The following DLGAP1 variants were observed in gnomAD, a reference collection of about 807,000 sequenced individuals.
DLGAP1 encodes the protein disks large-associated protein 1.
In DLGAP1, 11 loss-of-function variants were observed where a neutral mutation model predicts 90.8. The ratio of observed to expected loss-of-function variants is 0.12; its 90% CI spans 0.08 to 0.20. The LOEUF is 0.20. Among genes scored for constraint, DLGAP1 ranks in the 10% least tolerant of loss-of-function variants. The pLI is 1.00. For missense variants in DLGAP1, 1,050 were observed against 1,333.8 expected (o/e 0.79, Z 3.31); for synonymous variants, 558 against 540.7 (o/e 1.03, Z -0.44).
intron 7 of DLGAP1, among the ~76,000 whole-genome samples, chr18:3,600,716 A>ACATC: frequency 1.4e-5 from 1 of 72,772 alleles, no homozygotes; most frequent in Non-Finnish European, 2.5e-5. Flanking sequence ...AGCTATATAG[A>ACATC]TATAGAGATA....
At chr18:3,531,916 C>T (rs576085177) in intron 10 of DLGAP1, among the ~76,000 whole-genome samples, 12 of 152,198 alleles carry the variant, frequency 7.9e-5, no homozygotes, top group African/African-American at 2.9e-4. Flanking sequence ...AGTGCAGTGG[C>T]ACAGTCTCAG....
At chr18:4,098,619 T>C (rs2075723560) in intron 2 of DLGAP1, among the ~76,000 whole-genome samples, 1 of 152,120 alleles carries the variant, frequency 6.6e-6, no homozygotes, top group South Asian at 2.1e-4. Context: ...TATTGCAACA[T>C]TTTAAGCTAT....
intron 3 of DLGAP1, among the ~76,000 whole-genome samples, chr18:3,889,942 G>T (rs1030503612): frequency 6.6e-6 from 1 of 152,188 alleles, no homozygotes; most frequent in African/African-American, 2.4e-5. Flanking sequence ...GAACCCCAGC[G>T]AAAGAAACAG....
At chr18:3,946,095 T>A (rs562602786) in intron 3 of DLGAP1, among the ~76,000 whole-genome samples, 181 of 151,970 alleles carry the variant, frequency 1.2e-3, no homozygotes, top group African/African-American at 4.3e-3. Flanking sequence ...TGATTAGAGA[T>A]TTTATGACAT....
At chr18:4,245,391 A>G (rs1182336612) in intron 1 of DLGAP1, among the ~76,000 whole-genome samples, 1 of 152,202 alleles carries the variant, frequency 6.6e-6, no homozygotes, top group Non-Finnish European at 1.5e-5. Flanking sequence ...TTGGGAGCTT[A>G]TGTTACAAAG....
At chr18:3,636,724 ATCT>A in intron 7 of DLGAP1, among the ~76,000 whole-genome samples, 1 of 110,204 alleles carries the variant, frequency 9.1e-6, no homozygotes, top group East Asian at 3.7e-4. Context: ...CCACTTTTAC[ATCT>A]TTTTTTTTTT....
chr18:4,170,354 G>A (rs545639422), intron 1 of DLGAP1, among the ~76,000 whole-genome samples: 6 of 152,142 alleles, frequency 3.9e-5, no homozygotes, highest in Admixed American at 2.6e-4. Context: ...GTGTTAGGTC[G>A]GACATGTTAA....
intron 7 of DLGAP1, among the ~76,000 whole-genome samples, chr18:3,677,449 T>G (rs1454954612): frequency 1.3e-5 from 2 of 152,198 alleles, no homozygotes; most frequent in Non-Finnish European, 2.9e-5. Context: ...ACCAGTTATA[T>G]CCATTCTAAA....
intron 3 of DLGAP1, among the ~76,000 whole-genome samples, chr18:3,956,434 C>T (rs919568313): frequency 1.1e-4 from 16 of 151,804 alleles, no homozygotes; most frequent in African/African-American, 2.7e-4. Context: ...CTGCAAGCTC[C>T]GCCTCCCGGG....
intron 1 of DLGAP1, among the ~76,000 whole-genome samples, chr18:4,259,911 T>C (rs1391221801): frequency 6.6e-6 from 1 of 152,218 alleles, no homozygotes; most frequent in Non-Finnish European, 1.5e-5. Flanking sequence ...TTTATTATTC[T>C]ATTTTATGCA....
At chr18:4,250,863 A>C (rs753934470) in intron 1 of DLGAP1, among the ~76,000 whole-genome samples, 2 of 152,182 alleles carry the variant, frequency 1.3e-5, no homozygotes, top group South Asian at 4.1e-4. Flanking sequence ...ATAAAACCCT[A>C]AAGTATGAAT....
At chr18:3,619,913 C>T (rs1241039705) in intron 7 of DLGAP1, among the ~76,000 whole-genome samples, 9 of 151,780 alleles carry the variant, frequency 5.9e-5, no homozygotes, top group South Asian at 2.1e-4. Flanking sequence ...ACCTCCTAGG[C>T]TCAAGGGATC....
chr18:3,619,980 C>G (rs894261153), intron 7 of DLGAP1, among the ~76,000 whole-genome samples: 38 of 139,840 alleles, frequency 2.7e-4, no homozygotes, highest in African/African-American at 1.3e-3. Context: ...CCATGCCTGG[C>G]CACCTGCTGG....
rs1427576502 is a variant in DLGAP1 at position 4,099,303 on chromosome 18, C to G, written c.-159+51877G>C. 6.3e-5 allele frequency among the ~76,000 whole-genome samples: 3 copies of G among 47,594 alleles called. No homozygotes were observed. The East Asian group carries it at 1.4e-3, about 23-fold the overall frequency. The allele number at this position is 47,594 out of a possible 152,430, so 31.2% of individuals were successfully genotyped here. ...ATCTATCTATCTGTCTATCATCTAT[C>G]TATCTATCTATCTATCTATCTATCT... On this transcript the variant is annotated intron_variant, in intron 2 of 12. Transcript: ENST00000315677.
At chr18:3,626,286 G>C (rs1167248171) in intron 7 of DLGAP1, among the ~76,000 whole-genome samples, 1 of 133,436 alleles carries the variant, frequency 7.5e-6, no homozygotes, top group Non-Finnish European at 1.6e-5. Context: ...GTGAGACCCA[G>C]TCTCAAAAAA....
At chr18:3,651,972 C>CACAACA (rs916829706) in intron 7 of DLGAP1, among the ~76,000 whole-genome samples, 1 of 147,514 alleles carries the variant, frequency 6.8e-6, no homozygotes, top group Non-Finnish European at 1.5e-5. Context: ...CTGTCTCAAA[C>CACAACA]ACAACAACAA....
intron 7 of DLGAP1, among the ~76,000 whole-genome samples, chr18:3,641,035 A>G (rs2058916963): frequency 6.6e-6 from 1 of 152,220 alleles, no homozygotes; most frequent in African/African-American, 2.4e-5. Flanking sequence ...TAAATTCTTA[A>G]CAACTACACT....
At chr18:4,355,654 T>A (rs768138096) in intron 1 of DLGAP1, among the ~76,000 whole-genome samples, 4 of 150,562 alleles carry the variant, frequency 2.7e-5, no homozygotes, top group Non-Finnish European at 6.0e-5. Context: ...GGTGCCCACA[T>A]CCATTTCCTG....
intron 5 of DLGAP1, among the ~76,000 whole-genome samples, chr18:3,786,260 C>A (rs2065443638): frequency 6.6e-6 from 1 of 152,092 alleles, no homozygotes; most frequent in African/African-American, 2.4e-5. Flanking sequence ...TTCTCCCATC[C>A]ACAGAGGTCA....
Sources: gnomAD v4.1 joint callset for allele counts (sites outside exome capture counted in the v4.1 genomes callset) on GRCh38, gnomAD v4.1.1 for gene constraint, MANE v1.5 for transcripts, NCBI Gene and HGNC (gene_info 2026-07-23, HGNC 2026-07-21) for gene names.